Variants in PIF1 observed in about 807,000 individuals in gnomAD.
PIF1 encodes the protein ATP-dependent DNA helicase PIF1.
A neutral mutation model predicts 62.3 loss-of-function variants in PIF1; 67 were observed. That is an observed-to-expected ratio of 1.08 (90% CI 0.88 to 1.32). The LOEUF (loss-of-function observed/expected upper bound fraction) is 1.32, where lower values mean the gene tolerates loss of function less well. PIF1 is among the 40% of genes most tolerant of loss of function. PIF1 has a pLI of 0.00. For missense variants in PIF1, 886 were observed against 866.1 expected (o/e 1.02, Z -0.29); for synonymous variants, 364 against 379.5 (o/e 0.96, Z 0.47).
chr15:64,820,102 C>T, intron 7 of PIF1, 116 bp from the exon 8 acceptor site: 2 of 1,339,416 alleles, frequency 1.5e-6, no homozygotes, highest in Non-Finnish European at 2.0e-6. Context: ...TGGAAGAGGG[C>T]ACCAGGGAAG....
intron 3 of PIF1, 40 bp downstream of exon 3, chr15:64,822,438 C>T: frequency 1.2e-6 from 2 of 1,614,086 alleles, no homozygotes; most frequent in Non-Finnish European, 1.7e-6. Context: ...CTCTATCCCA[C>T]CCCACCACTG....
Position 64,822,450 on chromosome 15 carries a change from C to A in PIF1, c.691+28G>T, listed in dbSNP as rs2084303957. On this transcript the variant is annotated intron_variant, in intron 3 of 12. Coordinates refer to ENST00000559239, the MANE Select transcript of PIF1 (RefSeq NM_001286496.2). Reference sequence around the variant, plus strand: ...TTCCTCTATCCCACCCCACCACTGTCCCCCTACCTCCTCTCTGCCCCCACT... The same window carrying A: ...TTCCTCTATCCCACCCCACCACTGTACCCCTACCTCCTCTCTGCCCCCACT... The A allele has an allele frequency of 5.0e-6, 8 of 1,612,668 alleles. No individual in the cohort carries two copies. In the African/African-American group the frequency reaches 9.4e-5, roughly 19 times the overall value.
At chr15:64,827,035 T>G (rs2084379545), upstream of PIF1, among the ~76,000 whole-genome samples, 1 of 152,130 alleles carries the variant, frequency 6.6e-6, no homozygotes, top group South Asian at 2.1e-4. Flanking sequence ...CTGCTCCCAG[T>G]CTGTTAGCGG....
chr15:64,818,460 C>A, intron 9 of PIF1, 116 bp from the exon 10 acceptor site: 2 of 935,678 alleles, frequency 2.1e-6, no homozygotes, highest in Non-Finnish European at 3.2e-6. Flanking sequence ...CACTGAATCC[C>A]AATCCTTAGC....
intron 7 of PIF1, 102 bp from the exon 8 acceptor site, chr15:64,820,088 G>C: frequency 7.0e-7 from 1 of 1,434,112 alleles, no homozygotes; most frequent in Non-Finnish European, 9.4e-7. Context: ...TCAGGCCTTG[G>C]GACTGGAAGA....
chr15:64,825,375 T>C (rs149699088), intron 1 of PIF1, among the ~76,000 whole-genome samples, 194 bp downstream of exon 1: 8 of 152,216 alleles, frequency 5.3e-5, no homozygotes, highest in Admixed American at 5.2e-4. Context: ...CCACAGCGGC[T>C]AGTAGTCAAA....
At position 64,818,033 on chromosome 15, in the gene PIF1, C is replaced by A; in HGVS notation, c.1587G>T (p.Trp529Cys). ...GCTGGCCCCCGGTGGCCTGCACCGT[C>A]CAGCGGTCAGCGTGGATGACCTCAG... ...GVTEVIHADR[W>C]TVQATGGQLL... Residue 529 changes from tryptophan to cysteine, a missense_variant, in exon 11 of 13, where the codon TGG (tryptophan) becomes TGT (cysteine). By Grantham distance (215) the Trp-to-Cys change is radical (BLOSUM62 -2). Transcript: ENST00000559239. 1 of 1,613,866 alleles carries A rather than the reference C, an allele frequency of 6.2e-7. No homozygotes were observed. Among genetic ancestry groups the A allele is most frequent in the South Asian group, 1.1e-5 (1 of 91,020 alleles).
rs2084306995 is a variant in PIF1, at chr15:64,822,581, C to T, written c.588G>A (p.Lys196=). The T allele has an allele frequency of 6.2e-7, 1 of 1,614,130 alleles. No individual in the cohort carries two copies. The highest frequency in any genetic ancestry group is 8.5e-7 in the Non-Finnish European group (1 of 1,180,034). Residue 196 remains lysine (K), a synonymous_variant, in exon 3 of 13, where the codon AAG becomes AAA. Transcript: ENST00000559239. ...GCTTGGTGGAGGGCAAGCTCAGCCT[C>T]TTCACAGGCAGGGGCCACCTTGGGG... ...TEAPRWPLPV[K]RLSLPSTKPQ...
At position 64,822,253 on chromosome 15, in the gene PIF1, G is replaced by C; in HGVS notation, c.817+13C>G. ...GCTTGCTCTTAGCTCAAGCCCTAGG[G>C]GTTCCTACTTACCTGCAAAGGCATG... On this transcript the variant is annotated intron_variant, in intron 4 of 12. Coordinates refer to ENST00000559239, the MANE Select transcript of PIF1 (RefSeq NM_001286496.2). The C allele has an allele frequency of 6.2e-7, 1 of 1,610,430 alleles. No individual in the cohort carries two copies. Among genetic ancestry groups the C allele is most frequent in the Non-Finnish European group, 8.5e-7 (1 of 1,179,008 alleles).
At position 64,816,621 on chromosome 15, in the gene PIF1, C is replaced by T. The variant is rs1330285166; in HGVS notation, c.1819G>A (p.Val607Met). 13 of 1,613,996 alleles carry T rather than the reference C, an allele frequency of 8.1e-6. No homozygotes were observed. Among genetic ancestry groups the T allele is most frequent in the East Asian group, 2.2e-5 (1 of 44,900 alleles). ...DPMAVRCDPRVLHFYATLRRG... is the reference protein window; with the variant it reads ...DPMAVRCDPRMLHFYATLRRG... ...CGCAGGGTGGCATAGAAGTGCAGCACACGGGGGTCACAGCGAACCGCCATG... is the reference window on the plus strand; with the variant it reads ...CGCAGGGTGGCATAGAAGTGCAGCATACGGGGGTCACAGCGAACCGCCATG... Residue 607 changes from valine to methionine, a missense_variant, in exon 12 of 13, where the codon GTG becomes ATG. Transcript: ENST00000559239.
rs1244222883 is a variant in PIF1, at chr15:64,821,474, G to A, written c.864C>T (p.Ala288=). ...AGCCCTGCCGCACGCCTGGCCTTTG[G>A]GCCAGGGCCACACACTGGGCTAGAG... ...QAPLAQCVAL[A]QRPGVRQGWL... Residue 288 remains alanine, a synonymous_variant, in exon 5 of 13, where the codon GCC becomes GCT. Coordinates refer to ENST00000559239, the MANE Select transcript of PIF1 (RefSeq NM_001286496.2). The A allele has an allele frequency of 1.2e-6, 2 of 1,613,840 alleles. No individual in the cohort carries two copies. The highest frequency in any genetic ancestry group is 2.7e-5 in the African/African-American group (2 of 74,892).
chr15:64,820,219 C>T (rs902270691), intron 7 of PIF1, among the ~76,000 whole-genome samples: 1 of 152,222 alleles, frequency 6.6e-6, no homozygotes, highest in Non-Finnish European at 1.5e-5. Context: ...TGTGGGCACC[C>T]TTCCCTGTGC....
At position 64,821,539 on chromosome 15, in the gene PIF1, A is replaced by G; in HGVS notation, c.818-19T>C. Reference sequence around the variant, plus strand: ...CCGATGCCTGTGAGTGACACTATTCAGCCTGGGCTAATACCCAAAGCCTCT... The same window carrying G: ...CCGATGCCTGTGAGTGACACTATTCGGCCTGGGCTAATACCCAAAGCCTCT... On this transcript the variant is annotated intron_variant, in intron 4 of 12. Coordinates refer to ENST00000559239, the MANE Select transcript of PIF1 (RefSeq NM_001286496.2). The G allele has an allele frequency of 6.5e-7, 1 of 1,550,028 alleles. No homozygotes were observed. The highest frequency in any genetic ancestry group is 2.3e-5 in the East Asian group (1 of 43,846).
intron 7 of PIF1, among the ~76,000 whole-genome samples, chr15:64,820,218 C>T (rs976797037): frequency 1.3e-5 from 2 of 152,160 alleles, no homozygotes; most frequent in Admixed American, 1.3e-4. Flanking sequence ...ATGTGGGCAC[C>T]CTTCCCTGTG....
In PIF1 at chr15:64,823,906, G is replaced by A; in HGVS notation, c.430C>T (p.Pro144Ser). ...GGGCTGATGGTGACGAAGTCGCGGG[G>A]CCGCGGGCCCAGCAGCTGCGCTCGG... ...SARAQLLGPRPRDFVTISPVQ... is the reference protein window; with the variant it reads ...SARAQLLGPRSRDFVTISPVQ... Residue 144 changes from proline (P) to serine (S), a missense_variant, in exon 2 of 13, where the codon CCC (proline) becomes TCC (serine). Pro to Ser is a moderately conservative substitution (Grantham distance 74). Transcript: ENST00000559239. 7.3e-7 allele frequency: 1 copy of A among 1,362,870 alleles called. No homozygotes were observed. The allele number at this position is 1,362,870 out of a possible 1,614,324, so 84.4% of individuals were successfully genotyped here. A position where few individuals can be genotyped will look rare whatever the true frequency, so the allele number is the denominator to read the frequency against.
At position 64,822,567 on chromosome 15, in the gene PIF1, G is replaced by T; in HGVS notation, c.602C>A (p.Pro201His). The change falls in exon 3 of 13, where the codon CCC (proline) becomes CAC (histidine). Residue 201 changes from proline (P) to histidine (H), a missense_variant. Physicochemically the swap from Pro to His is moderately conservative, Grantham distance 77 (BLOSUM62 -2). Transcript: ENST00000559239. ...CTCAGAAAGCTGTGGCTTGGTGGAGGGCAAGCTCAGCCTCTTCACAGGCAG... is the reference window on the plus strand; with the variant it reads ...CTCAGAAAGCTGTGGCTTGGTGGAGTGCAAGCTCAGCCTCTTCACAGGCAG... ...WPLPVKRLSL[P>H]STKPQLSEEQ... 6.2e-7 allele frequency: 1 copy of T among 1,614,148 alleles called. No homozygotes were observed. Among genetic ancestry groups the T allele is most frequent in the Non-Finnish European group, 8.5e-7 (1 of 1,180,022 alleles).
intron 8 of PIF1, among the ~76,000 whole-genome samples, 175 bp from the exon 9 acceptor site, chr15:64,819,398 C>T (rs957834288): frequency 6.6e-6 from 1 of 152,170 alleles, no homozygotes; most frequent in African/African-American, 2.4e-5. Context: ...GCAACCTCTG[C>T]CTCCTGGGTT....
intron 10 of PIF1, 67 bp downstream of exon 10, chr15:64,818,190 C>T (rs2084222835): frequency 1.2e-6 from 2 of 1,610,666 alleles, no homozygotes; most frequent in East Asian, 2.2e-5. Flanking sequence ...CTTTTTCTCC[C>T]CCCACCATTC....
upstream of PIF1, among the ~76,000 whole-genome samples, chr15:64,826,624 T>TTATATA (rs764170884): frequency 0.035 from 1,258 of 35,810 alleles, 46 homozygotes; most frequent in Non-Finnish European, 0.046. Context: ...CCCAGCTAAT[T>TTATATA]TATATATATA....
Sources: gnomAD v4.1 joint callset for allele counts (sites outside exome capture counted in the v4.1 genomes callset) on GRCh38, gnomAD v4.1.1 for gene constraint, MANE v1.5 for transcripts, NCBI Gene and HGNC (gene_info 2026-07-23, HGNC 2026-07-21) for gene names.